NUFIP1: variants seen among roughly 807,000 people sequenced by gnomAD.
NUFIP1 encodes FMR1-interacting protein NUFIP1.
In NUFIP1, 38 loss-of-function variants were observed where a neutral mutation model predicts 56.2. That is an observed-to-expected ratio of 0.68 (90% CI 0.52 to 0.89). The LOEUF (loss-of-function observed/expected upper bound fraction) is 0.89, where lower values mean the gene tolerates loss of function less well. Ranked by LOEUF, NUFIP1 falls within the 40% of genes least tolerant of loss-of-function variation. The pLI is 0.00. For synonymous variants in NUFIP1, 215 were observed against 212.4 expected (o/e 1.01, Z -0.10); for missense variants, 567 against 605.8 (o/e 0.94, Z 0.67).
intron 8 of NUFIP1, among the ~76,000 whole-genome samples, chr13:44,949,199 A>ATTTTTTTTTTT (rs11421255): frequency 1.7e-4 from 19 of 112,644 alleles, no homozygotes; most frequent in East Asian, 2.6e-4. Flanking sequence ...ATTATATTGT[A>ATTTTTTTTTTT]TTTTTTTTTT....
chr13:44,956,004 G>A (rs1269820483), intron 7 of NUFIP1, among the ~76,000 whole-genome samples: 3 of 151,854 alleles, frequency 2.0e-5, no homozygotes, highest in South Asian at 2.1e-4. Context: ...TTAGCCGGGC[G>A]AGGTGGCGGG....
chr13:44,969,475 CCT>C (rs375263159), intron 5 of NUFIP1, among the ~76,000 whole-genome samples: 29 of 152,224 alleles, frequency 1.9e-4, no homozygotes, highest in African/African-American at 7.0e-4. Flanking sequence ...TCCAATATCT[CCT>C]GTTAGAGAAT....
intron 5 of NUFIP1, among the ~76,000 whole-genome samples, chr13:44,967,641 T>C (rs151241185): frequency 5.3e-5 from 8 of 152,170 alleles, no homozygotes; most frequent in Admixed American, 4.6e-4. Flanking sequence ...AACTAGAAAG[T>C]TTATATTTAA....
chr13:44,973,841 T>C (rs779598182), intron 5 of NUFIP1, among the ~76,000 whole-genome samples: 1 of 152,066 alleles, frequency 6.6e-6, no homozygotes, highest in Non-Finnish European at 1.5e-5. Flanking sequence ...CGAACAAAAC[T>C]AAAAGGGCGA....
At chr13:44,942,834 T>C (rs1342395272) in intron 9 of NUFIP1, among the ~76,000 whole-genome samples, 1 of 151,952 alleles carries the variant, frequency 6.6e-6, no homozygotes, top group Non-Finnish European at 1.5e-5. Context: ...AGCATGGTAG[T>C]GCATGCCCAT....
intron 5 of NUFIP1, among the ~76,000 whole-genome samples, chr13:44,974,294 G>C (rs573473399): frequency 6.6e-6 from 1 of 152,192 alleles, no homozygotes; most frequent in Admixed American, 6.5e-5. Flanking sequence ...GAGTGCAATG[G>C]AGGATAATGG....
At chr13:44,972,164 T>C (rs891100017) in intron 5 of NUFIP1, among the ~76,000 whole-genome samples, 7 of 152,240 alleles carry the variant, frequency 4.6e-5, no homozygotes, top group African/African-American at 1.7e-4. Flanking sequence ...TCCTGGATAT[T>C]TATCCAAGTC....
intron 6 of NUFIP1, among the ~76,000 whole-genome samples, chr13:44,962,598 A>C (rs1871460816): frequency 6.6e-6 from 1 of 152,248 alleles, no homozygotes; most frequent in African/African-American, 2.4e-5. Flanking sequence ...ATAACATCAT[A>C]AAGTAAAAAA....
At chr13:44,971,160 A>G (rs1031018033) in intron 5 of NUFIP1, among the ~76,000 whole-genome samples, 4 of 152,208 alleles carry the variant, frequency 2.6e-5, no homozygotes, top group Non-Finnish European at 5.9e-5. Context: ...AAACTATGGA[A>G]GAACCTCAGA....
At chr13:44,982,667 CAA>C (rs796640736) in intron 1 of NUFIP1, among the ~76,000 whole-genome samples, 45 of 138,958 alleles carry the variant, frequency 3.2e-4, no homozygotes, top group Non-Finnish European at 3.6e-4. Flanking sequence ...ATACTGACAC[CAA>C]AAAAAAAAAA....
At chr13:44,949,005 T>TA in intron 8 of NUFIP1, among the ~76,000 whole-genome samples, 1 of 152,186 alleles carries the variant, frequency 6.6e-6, no homozygotes, top group South Asian at 2.1e-4. Context: ...CTATATGCAT[T>TA]AAAAAAATTG....
Position 44,959,365 on chromosome 13 carries a change from T to A in NUFIP1, c.1021+16A>T. The A allele has an allele frequency of 6.2e-7, 1 of 1,608,952 alleles. No homozygotes were observed. On this transcript the variant is annotated intron_variant, in intron 7 of 9. Coordinates refer to ENST00000379161, the MANE Select transcript of NUFIP1 (RefSeq NM_012345.3). ...TCTATACACTTATAAATACGTTATT[T>A]TCCTGTTTAGCTTACCAGAATCACT...
At chr13:44,985,997 C>G (rs1218059329) in intron 1 of NUFIP1, among the ~76,000 whole-genome samples, 1 of 152,190 alleles carries the variant, frequency 6.6e-6, no homozygotes, top group Non-Finnish European at 1.5e-5. Context: ...TCACTGTCAG[C>G]CAGGCTGGAA....
At chr13:44,950,750 T>C (rs901231511) in intron 7 of NUFIP1, among the ~76,000 whole-genome samples, 4 of 152,182 alleles carry the variant, frequency 2.6e-5, no homozygotes, top group African/African-American at 9.7e-5. Context: ...AAATATAAAG[T>C]GTTTGATCCA....
At chr13:44,945,779 T>A (rs138715668) in intron 8 of NUFIP1, among the ~76,000 whole-genome samples, 1 of 152,060 alleles carries the variant, frequency 6.6e-6, no homozygotes, top group East Asian at 1.9e-4. Context: ...CACTCCCCAA[T>A]AGTTATACTA....
chr13:44,981,031 T>C (rs976380525), intron 2 of NUFIP1, among the ~76,000 whole-genome samples: 3 of 152,250 alleles, frequency 2.0e-5, no homozygotes, highest in Non-Finnish European at 4.4e-5. Flanking sequence ...AACCCAGGCA[T>C]AATTTTAAAC....
Position 44,941,155 on chromosome 13 carries a change from G to A in NUFIP1, c.*51C>T. 1.1e-6 allele frequency: 1 copy of A among 933,038 alleles called. No individual in the cohort carries two copies. The highest frequency in any genetic ancestry group is 1.7e-6 in the Non-Finnish European group (1 of 595,470). The allele number at this position is 933,038 out of a possible 1,614,324, so 57.8% of individuals were successfully genotyped here. ...GGTTTTGGTTTTCCTCTACTAACGAGGATGATACTGTTTCACATGCTTCAG... is the reference window on the plus strand; with the variant it reads ...GGTTTTGGTTTTCCTCTACTAACGAAGATGATACTGTTTCACATGCTTCAG... On this transcript the variant is annotated 3_prime_UTR_variant, in exon 10 of 10. Transcript: ENST00000379161.
chr13:44,981,759 C>T (rs1872197730), intron 2 of NUFIP1, among the ~76,000 whole-genome samples: 1 of 152,000 alleles, frequency 6.6e-6, no homozygotes, highest in South Asian at 2.1e-4. Flanking sequence ...TTGCAGTGAG[C>T]CAAGATCGTA....
intron 2 of NUFIP1, among the ~76,000 whole-genome samples, chr13:44,981,331 C>CAA (rs57342102): frequency 4.8e-4 from 71 of 147,364 alleles, no homozygotes; most frequent in Middle Eastern, 3.4e-3. Flanking sequence ...TTAGAAATAT[C>CAA]AAAAAAAAAA....
Sources: gnomAD v4.1 joint callset for allele counts (sites outside exome capture counted in the v4.1 genomes callset) on GRCh38, gnomAD v4.1.1 for gene constraint, MANE v1.5 for transcripts, NCBI Gene and HGNC (gene_info 2026-07-23, HGNC 2026-07-21) for gene names.